The following ACYP2 variants were observed in gnomAD, a reference collection of about 807,000 sequenced individuals.
The protein encoded by ACYP2 is acylphosphatase 2.
Under a neutral mutation model 11.2 loss-of-function variants are expected in ACYP2, and 12 were observed. The ratio of observed to expected loss-of-function variants is 1.08; its 90% CI spans 0.69 to 1.74. The LOEUF (loss-of-function observed/expected upper bound fraction) is 1.74. Among genes scored for constraint, ACYP2 ranks in the 40% most tolerant of loss-of-function variants. ACYP2 has a pLI of 0.00. For synonymous variants in ACYP2, 43 were observed against 32.2 expected (o/e 1.33, Z -1.13); for missense variants, 134 against 101.9 (o/e 1.31, Z -1.35).
intron 6 of ACYP2, among the ~76,000 whole-genome samples, chr2:54,141,339 A>C (rs188481128): frequency 1.6e-3 from 251 of 152,260 alleles, no homozygotes; most frequent in African/African-American, 5.9e-3. Flanking sequence ...TCTGGTTAAG[A>C]AACAGATTGT....
chr2:54,268,595 A>G (rs549560455), intron 6 of ACYP2, among the ~76,000 whole-genome samples: 13 of 149,594 alleles, frequency 8.7e-5, no homozygotes, highest in African/African-American at 3.0e-4. Context: ...TGAGCCCAGG[A>G]GTTCGAAACC....
intron 4 of ACYP2, among the ~76,000 whole-genome samples, chr2:54,130,874 C>G (rs1032141191): frequency 9.2e-5 from 14 of 152,176 alleles, no homozygotes; most frequent in African/African-American, 2.9e-4. Flanking sequence ...TCATTGAAGT[C>G]TCAGCTCTAA....
chr2:54,238,869 C>G (rs1686612871), intron 6 of ACYP2, among the ~76,000 whole-genome samples: 2 of 151,426 alleles, frequency 1.3e-5, no homozygotes, highest in African/African-American at 4.8e-5. Context: ...GATATCCCTA[C>G]CAACCACAAA....
intron 6 of ACYP2, among the ~76,000 whole-genome samples, chr2:54,154,056 T>G (rs184668961): frequency 5.0e-4 from 76 of 152,278 alleles, no homozygotes; most frequent in African/African-American, 1.7e-3. Flanking sequence ...CCTAAGGTTT[T>G]TTTTTTTGAT....
At position 54,031,394 on chromosome 2, in the gene ACYP2, C is replaced by T. The variant is rs556932719; in HGVS notation, c.63-19564C>T. ...TGCAGTGTTTGGTTTTCTGTCCTTG[C>T]GATAGTTTGCTCAGAATGATGGTTT... On this transcript the variant is annotated intron_variant, in intron 2 of 6. Coordinates refer to ENST00000607452, the MANE Select transcript of ACYP2 (RefSeq NM_001320586.2). Among the ~76,000 whole-genome samples the T allele has an allele frequency of 4.6e-3, 689 of 151,262 alleles. 7 individuals carry two copies. Among genetic ancestry groups the T allele is most frequent in the African/African-American group, 0.015 (636 of 41,226 alleles).
chr2:54,235,873 G>A (rs1016356492), intron 6 of ACYP2, among the ~76,000 whole-genome samples: 7 of 152,066 alleles, frequency 4.6e-5, no homozygotes, highest in South Asian at 2.1e-4. Flanking sequence ...AACTCTATAA[G>A]CTCTGTAGTG....
chr2:54,078,279 G>T (rs532089782), intron 4 of ACYP2, among the ~76,000 whole-genome samples: 1 of 151,756 alleles, frequency 6.6e-6, no homozygotes, highest in African/African-American at 2.4e-5. Context: ...TCTCTGACAC[G>T]GGGAAGTGTG....
chr2:54,184,728 T>C (rs1683895640), intron 6 of ACYP2, among the ~76,000 whole-genome samples: 1 of 152,126 alleles, frequency 6.6e-6, no homozygotes, highest in East Asian at 1.9e-4. Context: ...CTTGCTGAAA[T>C]ACATGTTAGA....
chr2:54,107,918 T>C (rs1453519888), intron 4 of ACYP2, among the ~76,000 whole-genome samples: 2 of 152,210 alleles, frequency 1.3e-5, no homozygotes, highest in African/African-American at 2.4e-5. Context: ...GTTGTTGCTA[T>C]AGCTGCTGGA....
Position 54,096,617 on chromosome 2 carries a change from G to T in ACYP2, c.278-38836G>T, listed in dbSNP as rs530288650. Among the ~76,000 whole-genome samples, 11 of 152,288 alleles carry T rather than the reference G, an allele frequency of 7.2e-5. No individual in the cohort carries two copies. The East Asian group carries it at 2.1e-3, about 30-fold the overall frequency. ...AGGCCGAGGCTGGCGGATCCCTCGCGGTTAGGAGCTGGAGACCAGCCCGGC... is the reference window on the plus strand; with the variant it reads ...AGGCCGAGGCTGGCGGATCCCTCGCTGTTAGGAGCTGGAGACCAGCCCGGC... On this transcript the variant is annotated intron_variant, in intron 4 of 6. Transcript: ENST00000607452.
At chr2:54,085,304 G>A (rs1020037047) in intron 4 of ACYP2, among the ~76,000 whole-genome samples, 1 of 152,148 alleles carries the variant, frequency 6.6e-6, no homozygotes, top group Non-Finnish European at 1.5e-5. Context: ...TGCTTGTGGG[G>A]GTGTGAGAGT....
At chr2:54,011,890 T>A (rs1340437725) in intron 2 of ACYP2, among the ~76,000 whole-genome samples, 1 of 152,198 alleles carries the variant, frequency 6.6e-6, no homozygotes, top group Admixed American at 6.6e-5. Context: ...TTAGGTTGTC[T>A]ACCTTGGAAA....
chr2:54,168,614 G>A (rs559946500), intron 6 of ACYP2, among the ~76,000 whole-genome samples: 1 of 149,886 alleles, frequency 6.7e-6, no homozygotes, highest in East Asian at 2.0e-4. Flanking sequence ...TATTTAGACA[G>A]GTGTAGTAGA....
chr2:54,038,945 C>A (rs1675065429), intron 2 of ACYP2, among the ~76,000 whole-genome samples: 1 of 151,700 alleles, frequency 6.6e-6, no homozygotes, highest in Non-Finnish European at 1.5e-5. Context: ...GAAGGGCTCA[C>A]TGAGAAGGAG....
At chr2:53,977,488 A>G (rs1383538540) in intron 2 of ACYP2, among the ~76,000 whole-genome samples, 5 of 151,990 alleles carry the variant, frequency 3.3e-5, no homozygotes, top group Non-Finnish European at 7.4e-5. Context: ...TAATCCCAGC[A>G]CTTTGGGAGG....
intron 6 of ACYP2, among the ~76,000 whole-genome samples, chr2:54,270,563 C>T (rs556400315): frequency 6.6e-6 from 1 of 152,170 alleles, no homozygotes; most frequent in East Asian, 1.9e-4. Context: ...GCCATGATCA[C>T]ACAACTACAC....
chr2:54,283,539 A>G (rs1688937237), intron 6 of ACYP2, among the ~76,000 whole-genome samples: 1 of 152,230 alleles, frequency 6.6e-6, no homozygotes, highest in Non-Finnish European at 1.5e-5. Context: ...CCTGAGACAG[A>G]TTTAGAATCC....
intron 6 of ACYP2, among the ~76,000 whole-genome samples, chr2:54,263,567 T>C (rs1687873398): frequency 6.6e-6 from 1 of 152,148 alleles, no homozygotes; most frequent in Admixed American, 6.5e-5. Context: ...GAGCTTCCAG[T>C]GAGTTATGAT....
chr2:54,143,135 T>C (rs1470027769), intron 6 of ACYP2: 1 of 152,244 alleles, frequency 6.6e-6, no homozygotes, highest in East Asian at 1.9e-4. Context: ...TTTGTTTCAG[T>C]GACTTCATTT....
Sources: allele counts gnomAD v4.1 joint callset (sites outside exome capture counted in the v4.1 genomes callset), GRCh38; gene constraint gnomAD v4.1.1; transcripts MANE v1.5; gene names NCBI Gene and HGNC (gene_info 2026-07-23, HGNC 2026-07-21).